Variants in DLC1 observed in about 807,000 individuals in gnomAD.
The protein encoded by DLC1 is rho GTPase-activating protein 7.
DLC1 carries 54 observed loss-of-function variants against 140.3 expected under a neutral mutation model. The ratio of observed to expected loss-of-function variants is 0.38; its 90% CI spans 0.31 to 0.48. DLC1 has a LOEUF of 0.48. DLC1 is among the 20% of genes least tolerant of loss of function. The probability of loss-of-function intolerance (pLI) is 0.96; values close to 1 mark genes in which losing one functional copy is unlikely to be tolerated. For synonymous variants in DLC1, 986 were observed against 728.1 expected, an observed-to-expected ratio of 1.35 and a Z score of -5.70; for missense variants, 2,536 against 1,907.0, an observed-to-expected ratio of 1.33 and a Z score of -6.14.
Position 13,099,800 on chromosome 8 carries a change from G to C in DLC1, c.2537C>G (p.Pro846Arg), listed in dbSNP as rs769979555. 6.2e-7 allele frequency: 1 copy of C among 1,614,154 alleles called. No homozygotes were observed. The highest frequency in any genetic ancestry group is 8.5e-7 in the Non-Finnish European group (1 of 1,180,044). ...VNWRTGSFHG[P>R]GHISLRRENS... ...TTCCCTCCTGAGGCTGATGTGGCCAGGGCCGTGGAAGCTTCCCGTCCTCCA... is the reference window on the plus strand; with the variant it reads ...TTCCCTCCTGAGGCTGATGTGGCCACGGCCGTGGAAGCTTCCCGTCCTCCA... The change falls in exon 9 of 18, where the codon CCT (proline) becomes CGT (arginine). Residue 846 changes from proline to arginine, a missense_variant. Transcript: ENST00000276297.
chr8:13,096,938 GATGTCA>G (rs1388229660), intron 10 of DLC1, among the ~76,000 whole-genome samples: 2 of 152,152 alleles, frequency 1.3e-5, no homozygotes, highest in Non-Finnish European at 2.9e-5. Flanking sequence ...AATGCACTGA[GATGTCA>G]ATCTAGAAAC....
At chr8:13,220,273 C>G (rs1828476932) in intron 5 of DLC1, among the ~76,000 whole-genome samples, 1 of 152,032 alleles carries the variant, frequency 6.6e-6, no homozygotes, top group South Asian at 2.1e-4. Context: ...AGAAGGTGGG[C>G]TTCTGAGAAC....
chr8:13,535,555 T>C (rs905839864), intron 1 of DLC1, among the ~76,000 whole-genome samples: 2 of 151,572 alleles, frequency 1.3e-5, no homozygotes, highest in Admixed American at 6.6e-5. Context: ...ACAATTATTC[T>C]CTTCATAAAG....
At chr8:13,493,617 AT>A (rs1360195519) in intron 2 of DLC1, among the ~76,000 whole-genome samples, 1 of 152,220 alleles carries the variant, frequency 6.6e-6, no homozygotes, top group African/African-American at 2.4e-5. Flanking sequence ...ATTGTTAACT[AT>A]AGTTACAATA....
chr8:13,561,827 T>G lies in DLC1; in HGVS notation c.-126+42710A>C, dbSNP rs1056931181. On this transcript the variant is annotated intron_variant, in intron 1 of 1. Coordinates refer to the DLC1 transcript ENST00000631382. ...TATCCAATTTTAAAAATGGGTAAGG[T>G]TATTAACTCTACTACTAGTTCAAAA... Among the ~76,000 whole-genome samples the G allele has an allele frequency of 2.0e-5, 3 of 152,286 alleles. No homozygotes were observed. In the South Asian group the frequency reaches 6.2e-4, roughly 32 times the overall value.
intron 4 of DLC1, among the ~76,000 whole-genome samples, chr8:13,382,947 A>C (rs1055512369): frequency 1.3e-5 from 2 of 152,210 alleles, no homozygotes. Context: ...AGTGAGCCCT[A>C]ATAAGATACA....
intron 1 of DLC1, among the ~76,000 whole-genome samples, chr8:13,510,974 C>A (rs1802332930): frequency 6.6e-6 from 1 of 152,122 alleles, no homozygotes; most frequent in Non-Finnish European, 1.5e-5. Context: ...CCCTGGTTTT[C>A]CTTTCTTTTT....
upstream of DLC1, among the ~76,000 whole-genome samples, chr8:13,518,102 T>TTTTG (rs1802649616): frequency 6.7e-6 from 1 of 149,492 alleles, no homozygotes; most frequent in East Asian, 2.0e-4. Context: ...CACCTTTCTT[T>TTTTG]TTTTTGTTTT....
At chr8:13,407,880 G>A (rs1282255143) in intron 2 of DLC1, among the ~76,000 whole-genome samples, 2 of 152,260 alleles carry the variant, frequency 1.3e-5, no homozygotes, top group African/African-American at 4.8e-5. Context: ...CTGGACTAGT[G>A]TAAAAATCTC....
At chr8:13,177,589 A>T (rs1477725218) in intron 5 of DLC1, among the ~76,000 whole-genome samples, 1 of 152,248 alleles carries the variant, frequency 6.6e-6, no homozygotes, top group Non-Finnish European at 1.5e-5. Context: ...TTACAAAACA[A>T]CCACTCTATC....
intron 4 of DLC1, among the ~76,000 whole-genome samples, chr8:13,360,018 G>C (rs759159384): frequency 7.9e-5 from 12 of 152,120 alleles, no homozygotes; most frequent in Non-Finnish European, 1.6e-4. Flanking sequence ...GTTGGATTCC[G>C]CATTATAGTA....
At chr8:13,467,455 T>TTA (rs1206233122) in intron 2 of DLC1, among the ~76,000 whole-genome samples, 1 of 151,370 alleles carries the variant, frequency 6.6e-6, no homozygotes, top group Non-Finnish European at 1.5e-5. Flanking sequence ...TTATATTCCT[T>TTA]TTTTTTTCTT....
At chr8:13,171,783 A>G (rs1825497727) in intron 5 of DLC1, among the ~76,000 whole-genome samples, 3 of 152,190 alleles carry the variant, frequency 2.0e-5, no homozygotes, top group African/African-American at 7.2e-5. Flanking sequence ...TGCGGAGGGT[A>G]TAGCTAGAGT....
chr8:13,592,730 A>G (rs1411909839), intron 1 of DLC1, among the ~76,000 whole-genome samples: 1 of 152,122 alleles, frequency 6.6e-6, no homozygotes, highest in Non-Finnish European at 1.5e-5. Flanking sequence ...AGCAGTGTTC[A>G]GCAGAGGACA....
At chr8:13,432,371 G>C (rs1000504783) in intron 2 of DLC1, among the ~76,000 whole-genome samples, 2 of 152,188 alleles carry the variant, frequency 1.3e-5, no homozygotes, top group African/African-American at 4.8e-5. Flanking sequence ...AATGTGAACA[G>C]TGATAAAACA....
chr8:13,326,026 G>T (rs568282355), intron 4 of DLC1, among the ~76,000 whole-genome samples: 4 of 64,610 alleles, frequency 6.2e-5, no homozygotes, highest in Admixed American at 2.4e-4. Context: ...GCGCTATTTG[G>T]TTTTTCTTAT....
intron 5 of DLC1, among the ~76,000 whole-genome samples, chr8:13,230,189 A>T (rs909714145): frequency 1.3e-5 from 2 of 152,242 alleles, no homozygotes; most frequent in Admixed American, 1.3e-4. Context: ...ACTAGCCAAT[A>T]AACCATTTCT....
intron 1 of DLC1, among the ~76,000 whole-genome samples, chr8:13,521,377 C>G (rs73559530): frequency 6.6e-6 from 1 of 151,458 alleles, no homozygotes; most frequent in Non-Finnish European, 1.5e-5. Context: ...CAAACCTACA[C>G]ATTCTGCACA....
chr8:13,426,890 A>T (rs1357825521), intron 2 of DLC1, among the ~76,000 whole-genome samples: 1 of 152,116 alleles, frequency 6.6e-6, no homozygotes, highest in African/African-American at 2.4e-5. Context: ...ATTGCTTTCA[A>T]TGATGCTCTA....
Sources: allele counts gnomAD v4.1 joint callset (sites outside exome capture counted in the v4.1 genomes callset), GRCh38; gene constraint gnomAD v4.1.1; transcripts MANE v1.5; gene names NCBI Gene and HGNC (gene_info 2026-07-23, HGNC 2026-07-21).